DACH1: variants seen among roughly 807,000 people sequenced by gnomAD.
DACH1 encodes the protein dachshund homolog 1.
DACH1 carries 12 observed loss-of-function variants against 54.2 expected under a neutral mutation model. The ratio of observed to expected loss-of-function variants is 0.22; its 90% CI spans 0.14 to 0.36. The LOEUF is 0.36. DACH1 is among the 10% of genes least tolerant of loss of function. The pLI is 1.00. For missense variants in DACH1, 805 were observed against 929.8 expected, an observed-to-expected ratio of 0.87 and a Z score of 1.75; for synonymous variants, 386 against 366.2, an observed-to-expected ratio of 1.05 and a Z score of -0.62.
At chr13:71,652,006 G>A (rs909888102) in intron 2 of DACH1, among the ~76,000 whole-genome samples, 1 of 152,134 alleles carries the variant, frequency 6.6e-6, no homozygotes, top group Non-Finnish European at 1.5e-5. Flanking sequence ...CCCTTCATGA[G>A]TGTTTCTCTG....
intron 10 of DACH1, among the ~76,000 whole-genome samples, chr13:71,466,503 G>A (rs955519087): frequency 1.3e-5 from 2 of 151,864 alleles, no homozygotes; most frequent in East Asian, 1.9e-4. Flanking sequence ...TTTATCTCCC[G>A]AACTCTCATA....
At chr13:71,819,710 C>T (rs1888112136) in intron 1 of DACH1, among the ~76,000 whole-genome samples, 1 of 152,108 alleles carries the variant, frequency 6.6e-6, no homozygotes, top group African/African-American at 2.4e-5. Context: ...ATTCAAGGAA[C>T]ATTAATTTCT....
chr13:71,748,108 C>A (rs1050506796), intron 1 of DACH1, among the ~76,000 whole-genome samples: 1 of 151,960 alleles, frequency 6.6e-6, no homozygotes, highest in African/African-American at 2.4e-5. Context: ...TACTTACTGG[C>A]CAGCTTTACA....
intron 10 of DACH1, among the ~76,000 whole-genome samples, chr13:71,467,727 T>G (rs1242395615): frequency 3.3e-5 from 5 of 152,152 alleles, no homozygotes; most frequent in Admixed American, 6.5e-5. Flanking sequence ...TTTGTTCAAT[T>G]TAATCAGTGA....
Position 71,475,215 on chromosome 13 carries a change from A to C in DACH1, c.2015-6T>G. 2 of 1,613,126 alleles carry C rather than the reference A, an allele frequency of 1.2e-6. No homozygotes were observed. Among genetic ancestry groups the C allele is most frequent in the Non-Finnish European group, 8.5e-7 (1 of 1,179,162 alleles). ...TATCTCTGGGGTCAGAGAGTCTAAAAGCACAGAAAGGTAAGAGTGACACAT... is the reference window on the plus strand; with the variant it reads ...TATCTCTGGGGTCAGAGAGTCTAAACGCACAGAAAGGTAAGAGTGACACAT... On this transcript the variant is annotated splice_region_variant and splice_polypyrimidine_tract_variant and intron_variant, in intron 9 of 10. Coordinates refer to ENST00000613252, the MANE Select transcript of DACH1 (RefSeq NM_080759.6).
At chr13:71,482,104 G>C (rs752881595) in intron 7 of DACH1, among the ~76,000 whole-genome samples, 1 of 152,184 alleles carries the variant, frequency 6.6e-6, no homozygotes, top group African/African-American at 2.4e-5. Context: ...GCAATGGTGA[G>C]AGACAATAGT....
intron 2 of DACH1, among the ~76,000 whole-genome samples, chr13:71,672,238 A>C (rs531602569): frequency 6.6e-6 from 1 of 152,194 alleles, no homozygotes; most frequent in Non-Finnish European, 1.5e-5. Flanking sequence ...TTACAGAGCC[A>C]AATGAAATTC....
rs1488365871 is a variant in DACH1 at position 71,488,980 on chromosome 13, G to C, written c.1722+17C>G. The C allele has an allele frequency of 6.2e-7, 1 of 1,605,008 alleles. No homozygotes were observed. Among genetic ancestry groups the C allele is most frequent in the Non-Finnish European group, 8.5e-7 (1 of 1,176,600 alleles). ...GGTGTTCCATATGTCTTTCTTCCAG[G>C]TTGTAAAAAGGCCTACCTGTATGTT... On this transcript the variant is annotated intron_variant, in intron 7 of 10. Transcript: ENST00000613252.
At chr13:71,739,541 T>G (rs1003424417) in intron 1 of DACH1, among the ~76,000 whole-genome samples, 5 of 150,816 alleles carry the variant, frequency 3.3e-5, no homozygotes, top group Admixed American at 6.7e-5. Context: ...TTTCCTATTA[T>G]CTTATTTAAA....
intron 1 of DACH1, chr13:71,704,653 TA>T (rs1258030189): frequency 1.1e-5 from 4 of 350,054 alleles, no homozygotes; most frequent in South Asian, 3.2e-5. Context: ...ATTCATGGCT[TA>T]AAAGGTATTT....
chr13:71,586,325 A>T (rs1873267285), intron 3 of DACH1, among the ~76,000 whole-genome samples: 1 of 152,140 alleles, frequency 6.6e-6, no homozygotes, highest in Non-Finnish European at 1.5e-5. Context: ...CAAATTCAGG[A>T]TTAAATAGTA....
At chr13:71,631,426 T>C (rs551809394) in intron 2 of DACH1, among the ~76,000 whole-genome samples, 4 of 152,282 alleles carry the variant, frequency 2.6e-5, no homozygotes, top group African/African-American at 9.6e-5. Flanking sequence ...GAATGGTCTG[T>C]TGGGACACCT....
chr13:71,698,320 G>A (rs1414887980), intron 1 of DACH1, among the ~76,000 whole-genome samples: 1 of 152,082 alleles, frequency 6.6e-6, no homozygotes, highest in Non-Finnish European at 1.5e-5. Flanking sequence ...AATTTCACTA[G>A]CACATAAGGA....
intron 6 of DACH1, among the ~76,000 whole-genome samples, chr13:71,556,086 T>C (rs188083857): frequency 1.4e-3 from 213 of 152,298 alleles, no homozygotes; most frequent in Middle Eastern, 0.01. Flanking sequence ...AGTAGTCTTT[T>C]TGGTGGGAAG....
chr13:71,654,666 G>A (rs1878966243), intron 2 of DACH1, among the ~76,000 whole-genome samples: 2 of 151,954 alleles, frequency 1.3e-5, no homozygotes, highest in Non-Finnish European at 2.9e-5. Flanking sequence ...ATGGAAATGT[G>A]TTGGCACTTG....
intron 7 of DACH1, among the ~76,000 whole-genome samples, chr13:71,486,114 G>A (rs1292455355): frequency 6.6e-6 from 1 of 151,618 alleles, no homozygotes; most frequent in Non-Finnish European, 1.5e-5. Flanking sequence ...TCATGGAAAG[G>A]ACATCTGTGG....
intron 6 of DACH1, among the ~76,000 whole-genome samples, chr13:71,494,143 C>A (rs1879217858): frequency 6.6e-6 from 1 of 152,094 alleles, no homozygotes; most frequent in Non-Finnish European, 1.5e-5. Context: ...GAGGACTACA[C>A]ATGGGTAGGG....
intron 1 of DACH1, among the ~76,000 whole-genome samples, chr13:71,855,362 G>A (rs971499648): frequency 1.3e-5 from 2 of 151,970 alleles, no homozygotes; most frequent in African/African-American, 4.8e-5. Flanking sequence ...TGTTTTTGGT[G>A]TATACAACAT....
chr13:71,449,245 C>T (rs1874780077), intron 10 of DACH1, among the ~76,000 whole-genome samples: 1 of 151,852 alleles, frequency 6.6e-6, no homozygotes, highest in African/African-American at 2.4e-5. Flanking sequence ...AGAATTGCTT[C>T]AACCTGGAAG....
Sources: allele counts gnomAD v4.1 joint callset (sites outside exome capture counted in the v4.1 genomes callset), GRCh38; gene constraint gnomAD v4.1.1; transcripts MANE v1.5; gene names NCBI Gene and HGNC (gene_info 2026-07-23, HGNC 2026-07-21).